The following RAB3C variants were observed in gnomAD, a reference collection of about 807,000 sequenced individuals.
The protein encoded by RAB3C is ras-related protein Rab-3C.
A neutral mutation model predicts 26.4 loss-of-function variants in RAB3C; 17 were observed. The observed-to-expected ratio is 0.64, with a 90% CI of 0.44 to 0.97. The LOEUF (loss-of-function observed/expected upper bound fraction) is 0.97, where lower values mean the gene tolerates loss of function less well. Ranked by LOEUF, RAB3C falls within the 50% of genes least tolerant of loss-of-function variation. The probability of loss-of-function intolerance (pLI) is 0.00; values close to 1 mark genes in which losing one functional copy is unlikely to be tolerated. For synonymous variants in RAB3C, 91 were observed against 95.9 expected (o/e 0.95, Z 0.30); for missense variants, 242 against 281.9 (o/e 0.86, Z 1.01).
intron 1 of RAB3C, among the ~76,000 whole-genome samples, chr5:58,615,196 C>A (rs1258484471): frequency 6.6e-6 from 1 of 152,030 alleles, no homozygotes; most frequent in Non-Finnish European, 1.5e-5. Flanking sequence ...TCCTAGAGAT[C>A]CTCGGGCCTC....
intron 2 of RAB3C, among the ~76,000 whole-genome samples, chr5:58,677,624 C>T (rs1182132498): frequency 6.7e-6 from 1 of 148,386 alleles, no homozygotes; most frequent in Non-Finnish European, 1.5e-5. Flanking sequence ...AATATTGACA[C>T]CAATGCTCAA....
chr5:58,640,553 G>A (rs1747394325), intron 2 of RAB3C, among the ~76,000 whole-genome samples: 1 of 152,154 alleles, frequency 6.6e-6, no homozygotes, highest in Non-Finnish European at 1.5e-5. Flanking sequence ...CCAACATACT[G>A]TGAGGACATA....
intron 2 of RAB3C, among the ~76,000 whole-genome samples, chr5:58,702,733 C>A (rs867927077): frequency 6.6e-6 from 1 of 152,028 alleles, no homozygotes; most frequent in African/African-American, 2.4e-5. Flanking sequence ...ATAAGAGATA[C>A]AATAGCCTTT....
chr5:58,614,023 C>A (rs988704649), intron 1 of RAB3C, among the ~76,000 whole-genome samples: 2 of 152,026 alleles, frequency 1.3e-5, no homozygotes, highest in Non-Finnish European at 2.9e-5. Context: ...ATGATGGATG[C>A]CATGAAAGGG....
intron 2 of RAB3C, among the ~76,000 whole-genome samples, chr5:58,640,931 CTTGTT>C (rs1421548292): frequency 6.6e-6 from 1 of 152,120 alleles, no homozygotes; most frequent in Non-Finnish European, 1.5e-5. Context: ...ATTTTGTACT[CTTGTT>C]TTAGGAATAA....
At chr5:58,825,814 A>G (rs1009095894) in intron 4 of RAB3C, among the ~76,000 whole-genome samples, 1 of 152,202 alleles carries the variant, frequency 6.6e-6, no homozygotes, top group African/African-American at 2.4e-5. Flanking sequence ...TAGAGATTTA[A>G]TACAAAGGAG....
intron 2 of RAB3C, among the ~76,000 whole-genome samples, chr5:58,658,375 C>T (rs368264172): frequency 7.2e-5 from 11 of 151,960 alleles, no homozygotes; most frequent in African/African-American, 1.5e-4. Context: ...TGGGCTGAGA[C>T]GATGGGGTTT....
At chr5:58,738,917 G>A (rs1329034061) in intron 3 of RAB3C, among the ~76,000 whole-genome samples, 2 of 151,996 alleles carry the variant, frequency 1.3e-5, no homozygotes, top group Admixed American at 6.6e-5. Flanking sequence ...ACTTGCCTTT[G>A]AGGGTAGATT....
At chr5:58,801,589 A>G (rs1742809106) in intron 3 of RAB3C, among the ~76,000 whole-genome samples, 1 of 152,370 alleles carries the variant, frequency 6.6e-6, no homozygotes, top group East Asian at 1.9e-4. Context: ...ATGGTTATGG[A>G]TAAGTATGAA....
At position 58,853,440 on chromosome 5, in the gene RAB3C, T is replaced by C. The variant is rs1346891617; in HGVS notation, c.*2089T>C. 1 of 152,196 alleles carries C rather than the reference T, an allele frequency of 6.6e-6. No individual in the cohort carries two copies. Among genetic ancestry groups the C allele is most frequent in the Non-Finnish European group, 1.5e-5 (1 of 68,040 alleles). 9.4% of individuals were successfully genotyped at this position (152,196 alleles called of 1,614,324 possible). A position where few individuals can be genotyped will look rare whatever the true frequency, so the allele number is the denominator to read the frequency against. On this transcript the variant is annotated 3_prime_UTR_variant, in exon 5 of 5. Transcript: ENST00000282878. ...GATGTAAAAAGCTTAGAAAGAATAT[T>C]CTGATGGCTTTTTCAGAAGGAAGGA...
chr5:58,707,919 G>A (rs1262532737), intron 2 of RAB3C, among the ~76,000 whole-genome samples: 5 of 151,766 alleles, frequency 3.3e-5, no homozygotes, highest in Admixed American at 6.6e-5. Context: ...ACCCTGCCCC[G>A]CCTGGGCATG....
At chr5:58,604,842 A>G (rs561149160) in intron 1 of RAB3C, among the ~76,000 whole-genome samples, 1 of 152,280 alleles carries the variant, frequency 6.6e-6, no homozygotes, top group Non-Finnish European at 1.5e-5. Flanking sequence ...TTTTTGCCCT[A>G]TTAAAATTGT....
At chr5:58,650,587 G>A (rs1311759497) in intron 2 of RAB3C, among the ~76,000 whole-genome samples, 1 of 152,136 alleles carries the variant, frequency 6.6e-6, no homozygotes, top group East Asian at 1.9e-4. Context: ...TATCAATAGA[G>A]CATGATGGAG....
At chr5:58,737,394 AAT>A (rs55691242) in intron 3 of RAB3C, among the ~76,000 whole-genome samples, 108 of 38,132 alleles carry the variant, frequency 2.8e-3, no homozygotes, top group Non-Finnish European at 4.5e-3. Flanking sequence ...CACCCTATGA[AAT>A]ATATATATAT....
intron 2 of RAB3C, among the ~76,000 whole-genome samples, chr5:58,712,876 T>C (rs1237267528): frequency 6.6e-6 from 1 of 152,148 alleles, no homozygotes; most frequent in Non-Finnish European, 1.5e-5. Flanking sequence ...TGGATTCTCT[T>C]GAACATGAAA....
At chr5:58,722,596 T>C (rs1740795756) in intron 2 of RAB3C, among the ~76,000 whole-genome samples, 1 of 151,852 alleles carries the variant, frequency 6.6e-6, no homozygotes, top group African/African-American at 2.4e-5. Context: ...CCCAGAAAGC[T>C]TACACATATC....
intron 4 of RAB3C, among the ~76,000 whole-genome samples, chr5:58,845,356 C>T (rs972746075): frequency 2.6e-5 from 4 of 151,812 alleles, no homozygotes; most frequent in South Asian, 2.1e-4. Context: ...TCACGTGCAC[C>T]GGAAGGTATT....
chr5:58,799,440 G>C (rs1254956524), intron 3 of RAB3C, among the ~76,000 whole-genome samples: 1 of 152,130 alleles, frequency 6.6e-6, no homozygotes, highest in Non-Finnish European at 1.5e-5. Context: ...AGGTGTCCCA[G>C]CTAGTACATG....
intron 2 of RAB3C, among the ~76,000 whole-genome samples, chr5:58,698,935 T>A (rs1213925478): frequency 3.9e-5 from 6 of 152,220 alleles, no homozygotes; most frequent in African/African-American, 1.4e-4. Flanking sequence ...TCTCAGCTCG[T>A]CAAAGTCATT....
Sources: allele counts gnomAD v4.1 joint callset (sites outside exome capture counted in the v4.1 genomes callset), GRCh38; gene constraint gnomAD v4.1.1; transcripts MANE v1.5; gene names NCBI Gene and HGNC (gene_info 2026-07-23, HGNC 2026-07-21).